Variants in PLSCR2 observed in about 807,000 individuals in gnomAD.
PLSCR2 encodes the protein PL scramblase 2.
In PLSCR2, 18 loss-of-function variants were observed where a neutral mutation model predicts 25.3. The observed-to-expected ratio is 0.71, with a 90% CI of 0.49 to 1.06. PLSCR2 has a LOEUF of 1.06. PLSCR2 is among the 50% of genes least tolerant of loss of function. The pLI is 0.00. For synonymous variants in PLSCR2, 88 were observed against 87.3 expected (o/e 1.01, Z -0.04); for missense variants, 243 against 269.5 (o/e 0.90, Z 0.69).
intron 1 of PLSCR2, chr3:146,494,679 G>T (rs1236889532): frequency 1.3e-5 from 2 of 152,096 alleles, no homozygotes; most frequent in Admixed American, 1.3e-4. Context: ...AACACTCATG[G>T]TTTAAATACT....
intron 1 of PLSCR2, among the ~76,000 whole-genome samples, chr3:146,480,815 A>G (rs2043103963): frequency 6.6e-6 from 1 of 152,202 alleles, no homozygotes; most frequent in Non-Finnish European, 1.5e-5. Context: ...CCTGATGATC[A>G]TTGATGTGAA....
intron 2 of PLSCR2, among the ~76,000 whole-genome samples, chr3:146,415,398 G>A (rs1488340343): frequency 2.6e-5 from 4 of 151,812 alleles, no homozygotes; most frequent in Non-Finnish European, 5.9e-5. Context: ...CAGTCTATAA[G>A]GTGTTTTGTC....
upstream of PLSCR2, among the ~76,000 whole-genome samples, chr3:146,463,224 C>T (rs183244740): frequency 1.3e-5 from 2 of 152,208 alleles, no homozygotes; most frequent in Admixed American, 6.5e-5. Flanking sequence ...CTCGCTCTGT[C>T]GGAGTGCAGT....
chr3:146,396,358 T>C (rs890038027), intron 2 of PLSCR2, among the ~76,000 whole-genome samples: 6 of 152,164 alleles, frequency 3.9e-5, no homozygotes, highest in Non-Finnish European at 4.4e-5. Flanking sequence ...TCCTAGAGCA[T>C]CATTTCTCAT....
chr3:146,442,960 T>C (rs1167520908), intron 6 of PLSCR2, among the ~76,000 whole-genome samples: 1 of 151,998 alleles, frequency 6.6e-6, no homozygotes, highest in East Asian at 1.9e-4. Flanking sequence ...ACAAAGGGAA[T>C]TGCCTCAAGT....
At chr3:146,464,603 A>G (rs2041777675), upstream of PLSCR2, among the ~76,000 whole-genome samples, 1 of 152,242 alleles carries the variant, frequency 6.6e-6, no homozygotes, top group Non-Finnish European at 1.5e-5. Flanking sequence ...ATAAAGTCAT[A>G]TTATATATTA....
At chr3:146,470,606 G>T (rs2042080398) in intron 1 of PLSCR2, among the ~76,000 whole-genome samples, 1 of 152,048 alleles carries the variant, frequency 6.6e-6, no homozygotes, top group Non-Finnish European at 1.5e-5. Context: ...GGAGAAAAAT[G>T]AAACCTCACC....
At chr3:146,449,473 A>T in intron 5 of PLSCR2, 106 bp from the exon 6 acceptor site, 1 of 700,488 alleles carries the variant, frequency 1.4e-6, no homozygotes, top group Non-Finnish European at 2.4e-6. Context: ...ACATTTATGC[A>T]CCATACATGA....
rs563013039 is a variant in PLSCR2, at chr3:146,453,991, A to C, written c.483+11T>G. ...AAAAGCAAATCCTATAAACATTATGACATCTCTTACCTCAAAATCAACACC... is the reference window on the plus strand; with the variant it reads ...AAAAGCAAATCCTATAAACATTATGCCATCTCTTACCTCAAAATCAACACC... On this transcript the variant is annotated intron_variant, in intron 5 of 6. Transcript: ENST00000610787. 1.3e-6 allele frequency: 2 copies of C among 1,557,798 alleles called. No homozygotes were observed. Among genetic ancestry groups the C allele is most frequent in the African/African-American group, 1.4e-5 (1 of 71,744 alleles).
chr3:146,409,875 CAG>C (rs977477548), intron 2 of PLSCR2, among the ~76,000 whole-genome samples: 25 of 152,212 alleles, frequency 1.6e-4, no homozygotes, highest in African/African-American at 5.8e-4. Context: ...ATTGGAAAAA[CAG>C]AATTAACCAG....
chr3:146,483,442 TACAC>T (rs1156457550), intron 1 of PLSCR2, among the ~76,000 whole-genome samples: 36 of 64,270 alleles, frequency 5.6e-4, no homozygotes, highest in East Asian at 1.3e-3. Flanking sequence ...TATATATATA[TACAC>T]ATGTATGTAT....
At chr3:146,432,490 G>C (rs2108128770), downstream of PLSCR2, among the ~76,000 whole-genome samples, 1 of 152,262 alleles carries the variant, frequency 6.6e-6, no homozygotes, top group South Asian at 2.1e-4. Flanking sequence ...GATGGGCAAA[G>C]TGAGCCACTG....
chr3:146,394,936 C>T (rs2038223489), intron 3 of PLSCR2, among the ~76,000 whole-genome samples: 2 of 152,186 alleles, frequency 1.3e-5, no homozygotes, highest in South Asian at 2.1e-4. Context: ...CGTGCTTGTA[C>T]TCACTGTTTC....
chr3:146,414,140 T>C (rs1017691335), intron 2 of PLSCR2, among the ~76,000 whole-genome samples: 2 of 152,062 alleles, frequency 1.3e-5, no homozygotes, highest in African/African-American at 2.4e-5. Context: ...AGGAATCCAC[T>C]CCCACAATAA....
chr3:146,483,064 G>A (rs562455022), intron 1 of PLSCR2, among the ~76,000 whole-genome samples: 1 of 152,004 alleles, frequency 6.6e-6, no homozygotes, highest in African/African-American at 2.4e-5. Context: ...AAGAAAGGAG[G>A]AAGTCAAATT....
rs771031531 is a variant in PLSCR2 at position 146,449,387 on chromosome 3, A to AC, written c.484-21_484-20insG. On this transcript the variant is annotated intron_variant, in intron 5 of 6. Transcript: ENST00000610787. ...TGTAATCTAAATTGCAAAAAAAAAA[A>AC]AAACTTAAAAATTTCTAGAAAACTT... 156 of 1,540,228 alleles carry AC rather than the reference A, an allele frequency of 1.0e-4. No homozygotes were observed. The highest frequency in any genetic ancestry group is 3.4e-4 in the Middle Eastern group (2 of 5,804).
chr3:146,402,081 A>G (rs887907663), intron 2 of PLSCR2, among the ~76,000 whole-genome samples: 2 of 152,026 alleles, frequency 1.3e-5, no homozygotes, highest in Non-Finnish European at 2.9e-5. Flanking sequence ...TACAAACAAA[A>G]CAACCCTAAA....
rs552458971 is a variant in PLSCR2, at chr3:146,490,224, T to C, written c.-293+5671A>G. 4.6e-5 allele frequency among the ~76,000 whole-genome samples: 7 copies of C among 151,966 alleles called. 1 individual carries two copies. The South Asian group carries it at 8.3e-4, about 18-fold the overall frequency. The stretch of plus-strand genomic sequence containing the variant: ...GTTTGTATTCAAAAGGGGGAAAAAA[T>C]AGAAGAAAAAGAGGAACCACCATTT... On this transcript the variant is annotated intron_variant, in intron 1 of 8. Transcript: ENST00000336685.
At chr3:146,469,309 G>A (rs747727669) in intron 1 of PLSCR2, 186 bp downstream of exon 1, 52 of 985,498 alleles carry the variant, frequency 5.3e-5, no homozygotes, top group Non-Finnish European at 5.5e-5. Flanking sequence ...TGTGAGCCAG[G>A]GTACAGCTGG....
Sources: allele counts gnomAD v4.1 joint callset (sites outside exome capture counted in the v4.1 genomes callset), GRCh38; gene constraint gnomAD v4.1.1; transcripts MANE v1.5; gene names NCBI Gene and HGNC (gene_info 2026-07-23, HGNC 2026-07-21).